Variants in HDAC11 observed in about 807,000 individuals in gnomAD.
The protein encoded by HDAC11 is histone deacetylase 11.
A neutral mutation model predicts 41.1 loss-of-function variants in HDAC11; 23 were observed. The observed-to-expected ratio is 0.56, with a 90% CI of 0.40 to 0.79. The LOEUF (loss-of-function observed/expected upper bound fraction) is 0.79. Ranked by LOEUF, HDAC11 falls within the 30% of genes least tolerant of loss-of-function variation. The probability of loss-of-function intolerance (pLI) is 0.00; values close to 1 mark genes in which losing one functional copy is unlikely to be tolerated. For synonymous variants in HDAC11, 187 were observed against 186.6 expected, an observed-to-expected ratio of 1.00 and a Z score of -0.02; for missense variants, 402 against 477.3, an observed-to-expected ratio of 0.84 and a Z score of 1.47.
At position 13,484,983 on chromosome 3, in the gene HDAC11, G is replaced by C. The variant is rs577972870; in HGVS notation, c.252+1419G>C. 1.2e-3 allele frequency among the ~76,000 whole-genome samples: 182 copies of C among 152,320 alleles called. 1 individual carries two copies. Among genetic ancestry groups the C allele is most frequent in the Admixed American group, 1.1e-3 (17 of 15,304 alleles). On this transcript the variant is annotated intron_variant, in intron 3 of 9. Transcript: ENST00000295757. ...AGAGTGTGGGAGCCCTGACCCCCAG[G>C]CTCCCTGGCTGAGCTCACCTTAGAC...
chr3:13,502,750 T>G lies in HDAC11; in HGVS notation c.553-134T>G. ...TCCCAGCTCTGCCCCTTAACAGTCA[T>G]GAGACCTGCTGCCCCCGAGAGCAGG... On this transcript the variant is annotated intron_variant, in intron 7 of 9. Transcript: ENST00000295757. The surrounding 1 kb of genome is among the most constrained non-coding windows in gnomAD (Gnocchi z 4.1). 1 of 666,206 alleles carries G rather than the reference T, an allele frequency of 1.5e-6. No individual in the cohort carries two copies. Among genetic ancestry groups the G allele is most frequent in the Non-Finnish European group, 2.7e-6 (1 of 372,434 alleles). 41.3% of individuals were successfully genotyped at this position (666,206 alleles called of 1,614,324 possible).
At chr3:13,486,557 A>G (rs537162953) in intron 3 of HDAC11, among the ~76,000 whole-genome samples, 192 of 142,940 alleles carry the variant, frequency 1.3e-3, no homozygotes, top group Middle Eastern at 7.2e-3. Flanking sequence ...AGCAGGTGAT[A>G]CTCATGTAGA....
rs1375319247 is a variant in HDAC11 at position 13,498,611 on chromosome 3, GAA to G, written c.412+58_412+59del. 8.6e-5 allele frequency: 91 copies of G among 1,062,246 alleles called. 1 individual carries two copies. In the East Asian group the frequency reaches 3.0e-3, roughly 35 times the overall value. The allele number at this position is 1,062,246 out of a possible 1,614,324, so 65.8% of individuals were successfully genotyped here. On this transcript the variant is annotated intron_variant, in intron 5 of 9. Coordinates refer to ENST00000295757, the MANE Select transcript of HDAC11 (RefSeq NM_024827.4). ...CAGCCCGGCTTGGTGGAACTGGCCTGAAAGGGGGCTGGGGGAGGGCGGGAGGA... is the reference window on the plus strand; with the variant it reads ...CAGCCCGGCTTGGTGGAACTGGCCTGAGGGGGCTGGGGGAGGGCGGGAGGA...
At chr3:13,483,431 T>C in intron 2 of HDAC11, 33 bp from the exon 3 acceptor site, 2 of 1,588,914 alleles carry the variant, frequency 1.3e-6, no homozygotes. Flanking sequence ...TTGAGGTCAG[T>C]GGGGAAGCAG....
At chr3:13,491,098 G>T (rs1157824841) in intron 3 of HDAC11, among the ~76,000 whole-genome samples, 1 of 150,836 alleles carries the variant, frequency 6.6e-6, no homozygotes, top group South Asian at 2.1e-4. Flanking sequence ...GTGTGTGTGT[G>T]TGTGTGTGTG....
chr3:13,486,571 GTTTTTTT>G (rs767002835), intron 3 of HDAC11, among the ~76,000 whole-genome samples: 4,264 of 83,284 alleles, frequency 0.051, 100 homozygotes, highest in East Asian at 0.2. Flanking sequence ...ATGTAGAGGT[GTTTTTTT>G]TTTTTTTTTT....
chr3:13,485,380 C>T (rs1384443172), intron 3 of HDAC11, among the ~76,000 whole-genome samples: 1 of 152,246 alleles, frequency 6.6e-6, no homozygotes, highest in African/African-American at 2.4e-5. Context: ...AGTCCACAGC[C>T]TAGGGCTGGG....
At chr3:13,498,608 C>T (rs1702218071) in intron 5 of HDAC11, 53 bp downstream of exon 5, 4 of 1,569,320 alleles carry the variant, frequency 2.5e-6, no homozygotes, top group African/African-American at 1.4e-5. Context: ...GTGGAACTGG[C>T]CTGAAAGGGG....
At position 13,502,441 on chromosome 3, in the gene HDAC11, AGGG is replaced by A. The variant is rs1702414382; in HGVS notation, c.553-441_553-439del. The A allele has an allele frequency of 5.3e-6, 1 of 188,760 alleles. No individual in the cohort carries two copies. Among genetic ancestry groups the A allele is most frequent in the Admixed American group, 5.4e-5 (1 of 18,526 alleles). 11.7% of individuals were successfully genotyped at this position (188,760 alleles called of 1,614,324 possible). A position where few individuals can be genotyped will look rare whatever the true frequency, so the allele number is the denominator to read the frequency against. ...GGCCAGTGCCTCTGGTCAGACAGGG[AGGG>A]GACCCAGTGGGCTCCGGAAGGCACC... On this transcript the variant is annotated intron_variant, in intron 7 of 9. Transcript: ENST00000295757. This position sits in a 1 kb window ranked among gnomAD's most constrained non-coding sequence, Gnocchi z 4.1.
At chr3:13,489,775 C>A (rs1701762210) in intron 3 of HDAC11, among the ~76,000 whole-genome samples, 1 of 152,130 alleles carries the variant, frequency 6.6e-6, no homozygotes. Context: ...ACCATGTTGG[C>A]TAGGCTGGTC....
intron 1 of HDAC11, 73 bp from the exon 2 acceptor site, chr3:13,481,173 A>T (rs887941150): frequency 1.3e-6 from 2 of 1,510,720 alleles, no homozygotes; most frequent in Non-Finnish European, 1.8e-6. Flanking sequence ...GGGTCAGTCC[A>T]GGCGGGCTCG....
chr3:13,496,569 G>C (rs145230715), intron 3 of HDAC11, 167 bp from the exon 4 acceptor site: 270 of 568,342 alleles, frequency 4.8e-4, no homozygotes, highest in Non-Finnish European at 7.1e-4. Flanking sequence ...AGCCTGGTAG[G>C]GTTGTGGCTC....
At chr3:13,482,282 A>G (rs1701357809) in intron 2 of HDAC11, among the ~76,000 whole-genome samples, 2 of 152,266 alleles carry the variant, frequency 1.3e-5, no homozygotes, top group Non-Finnish European at 2.9e-5. Flanking sequence ...ACATTATGTC[A>G]TCAAAATGGG....
chr3:13,485,282 T>G (rs1337252226), intron 3 of HDAC11, among the ~76,000 whole-genome samples: 1 of 152,202 alleles, frequency 6.6e-6, no homozygotes, highest in African/African-American at 2.4e-5. Flanking sequence ...GAAACCTGGC[T>G]CCTGGGAGAG....
At chr3:13,496,066 G>A (rs1702082665) in intron 3 of HDAC11, among the ~76,000 whole-genome samples, 1 of 152,210 alleles carries the variant, frequency 6.6e-6, no homozygotes. Context: ...TTGGGGTTTG[G>A]GTTCAGCTGG....
In HDAC11 at chr3:13,504,890, C is replaced by T; in HGVS notation, c.*207C>T. Reference sequence around the variant, plus strand: ...GGCCTCTATGGGTGGGGGCAGAAGGCAGAGCCTGTGTCCCAGGGGGACCCA... The same window carrying T: ...GGCCTCTATGGGTGGGGGCAGAAGGTAGAGCCTGTGTCCCAGGGGGACCCA... On this transcript the variant is annotated 3_prime_UTR_variant, in exon 10 of 10. Transcript: ENST00000295757. 1.7e-6 allele frequency: 1 copy of T among 604,414 alleles called. No homozygotes were observed. Among genetic ancestry groups the T allele is most frequent in the Non-Finnish European group, 2.9e-6 (1 of 341,066 alleles). 37.4% of individuals were successfully genotyped at this position (604,414 alleles called of 1,614,324 possible).
intron 3 of HDAC11, among the ~76,000 whole-genome samples, chr3:13,486,398 T>C (rs1265690956): frequency 6.7e-6 from 1 of 149,806 alleles, no homozygotes; most frequent in East Asian, 2.0e-4. Flanking sequence ...TGCATTTGAG[T>C]CGTGGAAGAT....
intron 4 of HDAC11, 125 bp from the exon 5 acceptor site, chr3:13,498,388 G>C: frequency 8.3e-7 from 1 of 1,203,706 alleles, no homozygotes; most frequent in East Asian, 2.4e-5. Context: ...CTGCCTTGTA[G>C]CTCAGCTCAT....
chr3:13,485,886 G>A (rs1160982963), intron 3 of HDAC11, among the ~76,000 whole-genome samples: 1 of 152,178 alleles, frequency 6.6e-6, no homozygotes, highest in African/African-American at 2.4e-5. Flanking sequence ...AGTTAACCAA[G>A]ATGGTGATCC....
Sources: gnomAD v4.1 joint callset for allele counts (sites outside exome capture counted in the v4.1 genomes callset) on GRCh38, gnomAD v4.1.1 for gene constraint, Gnocchi (gnomAD v3.1) non-coding constraint, MANE v1.5 for transcripts, NCBI Gene and HGNC (gene_info 2026-07-23, HGNC 2026-07-21) for gene names.